Variants in TTC28 observed in about 807,000 individuals in gnomAD.
TTC28 encodes the protein tetratricopeptide repeat domain 28.
In TTC28, 61 loss-of-function variants were observed where a neutral mutation model predicts 198.0. The observed-to-expected ratio is 0.31, with a 90% confidence interval of 0.25 to 0.38. The LOEUF (loss-of-function observed/expected upper bound fraction) is 0.38, where lower values mean the gene tolerates loss of function less well. Ranked by LOEUF, TTC28 falls within the 10% of genes least tolerant of loss-of-function variation. The pLI, the probability that TTC28 is intolerant of heterozygous loss-of-function variation, is 1.00. For synonymous variants in TTC28, 1,171 were observed against 1,297.8 expected (o/e 0.90, Z 2.10); for missense variants, 2,678 against 3,164.0 (o/e 0.85, Z 3.69).
intron 21 of TTC28, among the ~76,000 whole-genome samples, chr22:27,987,936 A>C (rs1186148045): frequency 2.0e-5 from 3 of 152,182 alleles, no homozygotes; most frequent in Non-Finnish European, 4.4e-5. Flanking sequence ...CATGTAGGCC[A>C]GGAGCAGTGG....
intron 2 of TTC28, among the ~76,000 whole-genome samples, chr22:28,507,987 C>G (rs2048636293): frequency 6.6e-6 from 1 of 152,178 alleles, no homozygotes; most frequent in African/African-American, 2.4e-5. Context: ...CACTATGAAG[C>G]AATCACATAA....
Position 27,998,814 on chromosome 22 carries a change from C to T in TTC28, c.4845G>A (p.Gln1615=). ...CAAGCACCACCAGCTTCACAGGCAG[C>T]TGCAGGTCCAGGACGTCGGCGGCAG... ...LLTAADVLDL[Q]LPVKLVVLGS... The change falls in exon 16 of 23, where the codon CAG becomes CAA. Residue 1615 remains glutamine, a synonymous_variant. Coordinates refer to ENST00000397906, the MANE Select transcript of TTC28 (RefSeq NM_001145418.2). 6.4e-7 allele frequency: 1 copy of T among 1,550,572 alleles called. No homozygotes were observed. The highest frequency in any genetic ancestry group is 8.7e-7 in the Non-Finnish European group (1 of 1,147,002).
intron 2 of TTC28, among the ~76,000 whole-genome samples, chr22:28,523,034 TG>T (rs1366462724): frequency 1.3e-5 from 2 of 152,188 alleles, no homozygotes; most frequent in African/African-American, 4.8e-5. Flanking sequence ...GTAGACGTTA[TG>T]GTATGTGAAT....
At chr22:28,062,499 T>G (rs2146743274) in intron 12 of TTC28, among the ~76,000 whole-genome samples, 1 of 151,338 alleles carries the variant, frequency 6.6e-6, no homozygotes, top group Non-Finnish European at 1.5e-5. Context: ...AGACAGGGTC[T>G]CTCTCTGTCA....
intron 2 of TTC28, among the ~76,000 whole-genome samples, chr22:28,404,061 C>T (rs1009637361): frequency 2.0e-5 from 3 of 152,154 alleles, no homozygotes; most frequent in Admixed American, 1.3e-4. Flanking sequence ...TAGCTACTAA[C>T]AAAAAGACAT....
At chr22:28,385,242 T>C (rs1486794365) in intron 2 of TTC28, among the ~76,000 whole-genome samples, 1 of 151,102 alleles carries the variant, frequency 6.6e-6, no homozygotes, top group Middle Eastern at 3.2e-3. Context: ...TTTTCTTTTT[T>C]TTTTCTTTGA....
At chr22:28,141,833 C>A (rs1569159812) in intron 6 of TTC28, among the ~76,000 whole-genome samples, 1 of 152,150 alleles carries the variant, frequency 6.6e-6, no homozygotes, top group South Asian at 2.1e-4. Flanking sequence ...GTTAATTCCA[C>A]AACCACGAAA....
rs367721669 is a variant in TTC28, at chr22:28,378,753, TA to T, written c.382-72111del. The stretch of plus-strand genomic sequence containing the variant: ...TGAAGATATACCAATTGAAACAATT[TA>T]AAATAAAGCAGGACAGTGTTTTCAT... On this transcript the variant is annotated intron_variant, in intron 2 of 22. Transcript: ENST00000397906. 2.4e-4 allele frequency among the ~76,000 whole-genome samples: 36 copies of T among 152,086 alleles called. No individual in the cohort carries two copies. In the East Asian group the frequency reaches 3.9e-3, roughly 16 times the overall value.
At chr22:28,050,977 A>C (rs2146704247) in intron 12 of TTC28, among the ~76,000 whole-genome samples, 1 of 152,308 alleles carries the variant, frequency 6.6e-6, no homozygotes, top group East Asian at 1.9e-4. Flanking sequence ...TAAATTGCAC[A>C]CATTTTAAAT....
At position 28,124,168 on chromosome 22, in the gene TTC28, T is replaced by TTTGTTGTTGTTG. The variant is rs71316831; in HGVS notation, c.1442-15777_1442-15766dup. On this transcript the variant is annotated intron_variant, in intron 6 of 22. Transcript: ENST00000397906. Reference sequence around the variant, plus strand: ...TGTAGCAATTTTTCACTTATCTCTCTTTGTTGTTGTTGTTGTTGTTGTTGT... The same window carrying TTTGTTGTTGTTG: ...TGTAGCAATTTTTCACTTATCTCTCTTTGTTGTTGTTGTTGTTGTTGTTGTTGTTGTTGTTGT... 1.8e-3 allele frequency among the ~76,000 whole-genome samples: 261 copies of TTTGTTGTTGTTG among 148,198 alleles called. 4 individuals carry two copies. The highest frequency in any genetic ancestry group is 6.2e-3 in the African/African-American group (248 of 40,000).
At chr22:28,123,962 G>A (rs1485282152) in intron 6 of TTC28, among the ~76,000 whole-genome samples, 1 of 152,100 alleles carries the variant, frequency 6.6e-6, no homozygotes, top group African/African-American at 2.4e-5. Context: ...CAACCTGGGT[G>A]ACAGAGCGAG....
chr22:28,179,320 C>T (rs745918435), intron 5 of TTC28, among the ~76,000 whole-genome samples: 6 of 151,980 alleles, frequency 3.9e-5, no homozygotes, highest in Non-Finnish European at 5.9e-5. Context: ...CCACCATGCA[C>T]AGCTAATTTT....
chr22:28,453,342 T>C (rs747112521), intron 2 of TTC28, among the ~76,000 whole-genome samples: 5 of 152,180 alleles, frequency 3.3e-5, no homozygotes, highest in Non-Finnish European at 7.3e-5. Context: ...ATTCTGTCTA[T>C]AATTATTCCT....
At chr22:28,113,954 C>T (rs1261771185) in intron 6 of TTC28, among the ~76,000 whole-genome samples, 1 of 152,186 alleles carries the variant, frequency 6.6e-6, no homozygotes, top group Non-Finnish European at 1.5e-5. Flanking sequence ...ATGTTTAAGT[C>T]CACTTTTATG....
Position 28,359,103 on chromosome 22 carries a change from A to G in TTC28, c.382-52460T>C, listed in dbSNP as rs529716996. On this transcript the variant is annotated intron_variant, in intron 2 of 22. Transcript: ENST00000397906. ...ATTAATAAGAACATTCCACTGCGCT[A>G]TAAGGGTAAAAACAGTTTGGCATAA... Among the ~76,000 whole-genome samples the G allele has an allele frequency of 5.3e-5, 8 of 152,332 alleles. No individual in the cohort carries two copies. The South Asian group carries it at 1.7e-3, about 32-fold the overall frequency.
intron 5 of TTC28, among the ~76,000 whole-genome samples, chr22:28,261,579 C>T (rs940568267): frequency 1.3e-5 from 2 of 152,154 alleles, no homozygotes; most frequent in African/African-American, 4.8e-5. Context: ...ACTGATCCTT[C>T]TGATAGATGT....
chr22:28,387,684 T>A (rs1180017113), intron 2 of TTC28, among the ~76,000 whole-genome samples: 2 of 152,232 alleles, frequency 1.3e-5, no homozygotes, highest in Non-Finnish European at 2.9e-5. Flanking sequence ...CACTTTTTGA[T>A]GGGGTTGTTT....
intron 6 of TTC28, among the ~76,000 whole-genome samples, chr22:28,133,572 A>C (rs947931277): frequency 1.3e-5 from 2 of 152,216 alleles, no homozygotes; most frequent in Non-Finnish European, 2.9e-5. Context: ...TAACCCGCGC[A>C]TGGCTCAGAG....
intron 2 of TTC28, among the ~76,000 whole-genome samples, chr22:28,575,329 C>A (rs889744208): frequency 2.6e-5 from 4 of 152,178 alleles, no homozygotes; most frequent in African/African-American, 9.7e-5. Flanking sequence ...AATGAGTTCA[C>A]TGCAGATGTA....
Sources: allele counts gnomAD v4.1 joint callset (sites outside exome capture counted in the v4.1 genomes callset), GRCh38; gene constraint gnomAD v4.1.1; transcripts MANE v1.5; gene names NCBI Gene and HGNC (gene_info 2026-07-23, HGNC 2026-07-21).